FGD6: variants seen among roughly 807,000 people sequenced by gnomAD.
FGD6 encodes the protein FYVE, RhoGEF and PH domain containing 6.
Under a neutral mutation model 149.4 loss-of-function variants are expected in FGD6, and 90 were observed. The ratio of observed to expected loss-of-function variants is 0.60; its 90% confidence interval spans 0.51 to 0.72. FGD6 has a LOEUF of 0.72. Among genes scored for constraint, FGD6 ranks in the 30% least tolerant of loss-of-function variants. The probability of loss-of-function intolerance (pLI) is 0.00; values close to 1 mark genes in which losing one functional copy is unlikely to be tolerated. For synonymous variants in FGD6, 527 were observed against 584.0 expected (o/e 0.90, Z 1.41); for missense variants, 1,437 against 1,684.8 (o/e 0.85, Z 2.57).
intron 18 of FGD6, 89 bp downstream of exon 18, chr12:95,089,480 C>G: frequency 6.9e-7 from 1 of 1,441,082 alleles, no homozygotes; most frequent in Non-Finnish European, 9.4e-7. Flanking sequence ...TGGGAAATGA[C>G]ATCTTCCTTT....
At chr12:95,114,886 G>A (rs1878960411) in intron 8 of FGD6, among the ~76,000 whole-genome samples, 1 of 151,888 alleles carries the variant, frequency 6.6e-6, no homozygotes, top group Non-Finnish European at 1.5e-5. Flanking sequence ...GACTAAATTT[G>A]ATCTGTGCAA....
Position 95,087,908 on chromosome 12 carries a change from A to G in FGD6, c.3978+1661T>C, listed in dbSNP as rs1315347173. Among the ~76,000 whole-genome samples, 3 of 152,166 alleles carry G rather than the reference A, an allele frequency of 2.0e-5. No individual in the cohort carries two copies. The East Asian group carries it at 5.8e-4, about 29-fold the overall frequency. ...ACCAAGTAATTTTTTAAAAAACTAG[A>G]ATTGTTTCCTATCTCAGTGAAAAAA... On this transcript the variant is annotated intron_variant, in intron 18 of 20. Transcript: ENST00000343958.
rs549116433 is a variant in FGD6, at chr12:95,217,418, T to G, written c.-178A>C. 8 of 1,039,384 alleles carry G rather than the reference T, an allele frequency of 7.7e-6. No homozygotes were observed. The highest frequency in any genetic ancestry group is 3.4e-5 in the African/African-American group (2 of 59,042). The allele number at this position is 1,039,384 out of a possible 1,614,324, so 64.4% of individuals were successfully genotyped here. On this transcript the variant is annotated 5_prime_UTR_variant, in exon 1 of 21. Coordinates refer to ENST00000343958, the MANE Select transcript of FGD6 (RefSeq NM_018351.4). ...AGGACGCGGCCGACTCTAGCGACCC[T>G]GCGGCGCTCCCGGGCGCGAGCCGCC...
chr12:95,165,754 T>C (rs1592859880), intron 3 of FGD6, among the ~76,000 whole-genome samples: 3 of 144,970 alleles, frequency 2.1e-5, no homozygotes, highest in South Asian at 2.2e-4. Context: ...CCTTCCACTT[T>C]AGCCTCCTGA....
At position 95,170,670 on chromosome 12, in the gene FGD6, A is replaced by G. The variant is rs138921855; in HGVS notation, c.2586+1930T>C. Among the ~76,000 whole-genome samples, 28 of 152,216 alleles carry G rather than the reference A, an allele frequency of 1.8e-4. No individual in the cohort carries two copies. In the East Asian group the frequency reaches 5.0e-3, roughly 27 times the overall value. Reference sequence around the variant, plus strand: ...AAGAAAAGAACGTTGGCTACATAGAAGCTTAGAACCTGAGTACTGCTTATC... The same window carrying G: ...AAGAAAAGAACGTTGGCTACATAGAGGCTTAGAACCTGAGTACTGCTTATC... On this transcript the variant is annotated intron_variant, in intron 3 of 20. Coordinates refer to ENST00000343958, the MANE Select transcript of FGD6 (RefSeq NM_018351.4).
At chr12:95,143,624 A>G (rs1191748664) in intron 5 of FGD6, among the ~76,000 whole-genome samples, 3 of 152,178 alleles carry the variant, frequency 2.0e-5, no homozygotes, top group African/African-American at 7.2e-5. Context: ...TCCAGAAACC[A>G]AATGGATATC....
chr12:95,117,619 G>A (rs919283986), intron 8 of FGD6, among the ~76,000 whole-genome samples: 1 of 152,162 alleles, frequency 6.6e-6, no homozygotes, highest in Non-Finnish European at 1.5e-5. Context: ...TAGAGACGAT[G>A]TCTCACTATG....
At chr12:95,182,989 T>A (rs185963704) in intron 2 of FGD6, among the ~76,000 whole-genome samples, 4 of 152,226 alleles carry the variant, frequency 2.6e-5, no homozygotes, top group Non-Finnish European at 5.9e-5. Flanking sequence ...ACTGAAAAGG[T>A]GGCGAGCCTT....
chr12:95,128,336 A>C (rs1471934433), intron 8 of FGD6, among the ~76,000 whole-genome samples: 1 of 152,142 alleles, frequency 6.6e-6, no homozygotes, highest in Non-Finnish European at 1.5e-5. Context: ...TCTTGGGCTC[A>C]AGTGATCATC....
At chr12:95,108,277 A>G in intron 11 of FGD6, 71 bp downstream of exon 11, 1 of 1,359,624 alleles carries the variant, frequency 7.4e-7, no homozygotes, top group Non-Finnish European at 1.0e-6. Context: ...TTTTTATAAA[A>G]TGATAAACAG....
At chr12:95,121,344 G>A (rs1024635935) in intron 8 of FGD6, among the ~76,000 whole-genome samples, 7 of 151,286 alleles carry the variant, frequency 4.6e-5, no homozygotes, top group Non-Finnish European at 8.8e-5. Context: ...GGGAGGCTGA[G>A]GCCGGAGAAT....
At chr12:95,203,565 T>G (rs1027120667) in intron 2 of FGD6, among the ~76,000 whole-genome samples, 20 of 152,212 alleles carry the variant, frequency 1.3e-4, no homozygotes, top group Middle Eastern at 3.2e-3. Flanking sequence ...AAAAGACAAC[T>G]AATTAGTAAA....
intron 13 of FGD6, among the ~76,000 whole-genome samples, chr12:95,105,438 C>T (rs909965479): frequency 1.3e-5 from 2 of 152,200 alleles, no homozygotes; most frequent in Non-Finnish European, 2.9e-5. Flanking sequence ...CCAGTCCCCA[C>T]CATGACCATC....
intron 18 of FGD6, among the ~76,000 whole-genome samples, chr12:95,088,592 G>T (rs1055192896): frequency 6.6e-6 from 1 of 152,126 alleles, no homozygotes; most frequent in South Asian, 2.1e-4. Context: ...ATAAACCCAA[G>T]ATAAATGAAA....
At chr12:95,177,611 C>G (rs1023745128) in intron 2 of FGD6, among the ~76,000 whole-genome samples, 1 of 152,046 alleles carries the variant, frequency 6.6e-6, no homozygotes, top group Non-Finnish European at 1.5e-5. Flanking sequence ...AATTTTTTTT[C>G]AAATGCTGTC....
intron 2 of FGD6, 52 bp downstream of exon 2, chr12:95,208,791 T>C (rs1334698380): frequency 2.7e-5 from 42 of 1,552,042 alleles, no homozygotes; most frequent in Non-Finnish European, 3.3e-5. Context: ...ACCAGGCTGT[T>C]GAAGGTTAAT....
At chr12:95,179,035 T>C (rs192244770) in intron 2 of FGD6, among the ~76,000 whole-genome samples, 1 of 152,304 alleles carries the variant, frequency 6.6e-6, no homozygotes, top group East Asian at 1.9e-4. Flanking sequence ...TAAAACTGTC[T>C]CTGGGTGACT....
At chr12:95,137,210 C>T (rs980070076) in intron 7 of FGD6, among the ~76,000 whole-genome samples, 3 of 151,984 alleles carry the variant, frequency 2.0e-5, no homozygotes, top group African/African-American at 4.8e-5. Context: ...ACCTGGGAGG[C>T]GGAGGTTGCA....
At chr12:95,212,140 T>C (rs942285608) in intron 1 of FGD6, among the ~76,000 whole-genome samples, 5 of 152,196 alleles carry the variant, frequency 3.3e-5, no homozygotes, top group Admixed American at 2.6e-4. Context: ...CCAAGAGTTA[T>C]TGGTTGGGAA....
Sources: gnomAD v4.1 joint callset for allele counts (sites outside exome capture counted in the v4.1 genomes callset) on GRCh38, gnomAD v4.1.1 for gene constraint, MANE v1.5 for transcripts, NCBI Gene and HGNC (gene_info 2026-07-23, HGNC 2026-07-21) for gene names.